Variants in NRP1 observed in about 807,000 individuals in gnomAD.
NRP1 encodes neuropilin-1.
NRP1 carries 35 observed loss-of-function variants against 106.7 expected under a neutral mutation model. The ratio of observed to expected loss-of-function variants is 0.33; its 90% confidence interval spans 0.25 to 0.43. NRP1 has a LOEUF of 0.43. Ranked by LOEUF, NRP1 falls within the 20% of genes least tolerant of loss-of-function variation. The pLI is 1.00. For synonymous variants in NRP1, 437 were observed against 417.9 expected (o/e 1.05, Z -0.56); for missense variants, 1,024 against 1,170.4 (o/e 0.87, Z 1.83).
chr10:33,230,682 G>A (rs1222924608), intron 6 of NRP1, among the ~76,000 whole-genome samples: 1 of 151,210 alleles, frequency 6.6e-6, no homozygotes, highest in Admixed American at 6.6e-5. Context: ...CGCCCTAGAA[G>A]CCCAAACCCT....
chr10:33,317,989 T>A (rs1564484247), intron 2 of NRP1, among the ~76,000 whole-genome samples: 2 of 152,234 alleles, frequency 1.3e-5, no homozygotes, highest in African/African-American at 4.8e-5. Flanking sequence ...TGAACTTATT[T>A]AAGGAACCAA....
At chr10:33,244,068 T>C (rs1017856290) in intron 6 of NRP1, among the ~76,000 whole-genome samples, 2 of 151,946 alleles carry the variant, frequency 1.3e-5, no homozygotes, top group African/African-American at 4.8e-5. Flanking sequence ...AAATGGTGCA[T>C]AAAATGAGAA....
intron 6 of NRP1, among the ~76,000 whole-genome samples, chr10:33,231,673 T>C (rs1331241045): frequency 6.6e-6 from 1 of 152,140 alleles, no homozygotes; most frequent in Non-Finnish European, 1.5e-5. Context: ...TAAAGAGCAG[T>C]AAGAGTGTGC....
At chr10:33,238,076 T>C (rs1278350398) in intron 6 of NRP1, among the ~76,000 whole-genome samples, 1 of 152,178 alleles carries the variant, frequency 6.6e-6, no homozygotes, top group Admixed American at 6.5e-5. Flanking sequence ...AAGTTCATGA[T>C]CATGCACCAC....
intron 2 of NRP1, among the ~76,000 whole-genome samples, chr10:33,308,659 T>C (rs1416310640): frequency 3.3e-5 from 5 of 151,984 alleles, no homozygotes; most frequent in African/African-American, 9.7e-5. Context: ...GCTAATTTTT[T>C]TGTACTTTTA....
intron 12 of NRP1, among the ~76,000 whole-genome samples, chr10:33,192,850 C>T (rs1836508792): frequency 1.3e-5 from 2 of 152,198 alleles, no homozygotes; most frequent in Non-Finnish European, 2.9e-5. Flanking sequence ...CATGAAGCCT[C>T]AAAAGTGGAA....
At chr10:33,331,534 G>A (rs1165559599) in intron 1 of NRP1, among the ~76,000 whole-genome samples, 3 of 152,188 alleles carry the variant, frequency 2.0e-5, no homozygotes, top group Non-Finnish European at 4.4e-5. Flanking sequence ...TTGGAGATCG[G>A]ATCAAAGCAA....
chr10:33,221,202 C>A (rs751093905), intron 8 of NRP1, among the ~76,000 whole-genome samples: 2 of 152,094 alleles, frequency 1.3e-5, no homozygotes, highest in Non-Finnish European at 2.9e-5. Context: ...CAGAGCAAGA[C>A]CCTGTCTCAA....
intron 6 of NRP1, among the ~76,000 whole-genome samples, chr10:33,233,017 C>A (rs547419544): frequency 1.3e-5 from 2 of 152,154 alleles, no homozygotes; most frequent in Non-Finnish European, 2.9e-5. Context: ...TGACCCAACA[C>A]AATACCCTGT....
chr10:33,190,287 C>T (rs547832587), intron 13 of NRP1, among the ~76,000 whole-genome samples: 27 of 152,202 alleles, frequency 1.8e-4, no homozygotes, highest in Non-Finnish European at 3.8e-4. Flanking sequence ...CACTTTGCAT[C>T]AATTTTTCCA....
At chr10:33,238,819 G>A (rs1225887021) in intron 6 of NRP1, among the ~76,000 whole-genome samples, 2 of 152,030 alleles carry the variant, frequency 1.3e-5, no homozygotes, top group African/African-American at 2.4e-5. Flanking sequence ...TGAAGATCAC[G>A]ATGATGCATA....
chr10:33,281,593 G>A (rs1445635715), intron 2 of NRP1, among the ~76,000 whole-genome samples: 1 of 152,206 alleles, frequency 6.6e-6, no homozygotes, highest in East Asian at 1.9e-4. Flanking sequence ...AGTGAAGTCA[G>A]CCAAAACTGG....
intron 6 of NRP1, among the ~76,000 whole-genome samples, chr10:33,239,009 G>C (rs1215343871): frequency 6.6e-6 from 1 of 151,784 alleles, no homozygotes; most frequent in Non-Finnish European, 1.5e-5. Context: ...CTTCACTTTA[G>C]GCCAGGCACG....
chr10:33,177,592 G>A lies in NRP1; in HGVS notation c.*2484C>T, dbSNP rs1835455228. 1 of 152,574 alleles carries A rather than the reference G, an allele frequency of 6.6e-6. No individual in the cohort carries two copies. Among genetic ancestry groups the A allele is most frequent in the Non-Finnish European group, 1.5e-5 (1 of 68,006 alleles). 9.5% of individuals were successfully genotyped at this position (152,574 alleles called of 1,614,324 possible). ...CAGTTCAGTTCTATGTGGTTTTTAT[G>A]CTACTCAGTGTCTGAGAATACAAAT... On this transcript the variant is annotated 3_prime_UTR_variant, in exon 17 of 17. Transcript: ENST00000374867.
At chr10:33,312,589 G>A (rs113329186) in intron 2 of NRP1, among the ~76,000 whole-genome samples, 3 of 152,318 alleles carry the variant, frequency 2.0e-5, no homozygotes, top group African/African-American at 7.2e-5. Flanking sequence ...TTTCTAATGG[G>A]CCTCTGCAGG....
At chr10:33,301,335 A>G (rs958001072) in intron 2 of NRP1, among the ~76,000 whole-genome samples, 3 of 152,224 alleles carry the variant, frequency 2.0e-5, no homozygotes, top group Non-Finnish European at 2.9e-5. Context: ...TGGAATTTTC[A>G]TAAAATAAAT....
intron 2 of NRP1, among the ~76,000 whole-genome samples, chr10:33,294,396 T>A (rs929196244): frequency 3.3e-5 from 5 of 152,028 alleles, no homozygotes; most frequent in Admixed American, 1.3e-4. Flanking sequence ...AGAGGGCGGA[T>A]CTCCTGAGGT....
intron 10 of NRP1, among the ~76,000 whole-genome samples, chr10:33,206,786 T>C (rs560393336): frequency 7.2e-5 from 11 of 152,322 alleles, no homozygotes; most frequent in African/African-American, 2.4e-4. Context: ...TGCATAAATA[T>C]ATTAAACGGT....
At chr10:33,268,758 T>A (rs1843095412) in intron 3 of NRP1, among the ~76,000 whole-genome samples, 2 of 152,202 alleles carry the variant, frequency 1.3e-5, no homozygotes, top group South Asian at 4.1e-4. Flanking sequence ...CAGACACGTA[T>A]AATATGACTT....
Sources: allele counts gnomAD v4.1 joint callset (sites outside exome capture counted in the v4.1 genomes callset), GRCh38; gene constraint gnomAD v4.1.1; transcripts MANE v1.5; gene names NCBI Gene and HGNC (gene_info 2026-07-23, HGNC 2026-07-21).